MBOAT1: variants seen among roughly 807,000 people sequenced by gnomAD.
MBOAT1 encodes membrane-bound glycerophospholipid O-acyltransferase 1.
MBOAT1 carries 67 observed loss-of-function variants against 64.4 expected under a neutral mutation model. The observed-to-expected ratio is 1.04, with a 90% CI of 0.85 to 1.27. The LOEUF (loss-of-function observed/expected upper bound fraction) is 1.27, where lower values mean the gene tolerates loss of function less well. Among genes scored for constraint, MBOAT1 ranks in the 50% most tolerant of loss-of-function variants. The pLI, the probability that MBOAT1 is intolerant of heterozygous loss-of-function variation, is 0.00. For missense variants in MBOAT1, 563 were observed against 604.6 expected (o/e 0.93, Z 0.72); for synonymous variants, 229 against 218.9 (o/e 1.05, Z -0.41).
At chr6:20,121,084 C>A (rs1390932091) in intron 8 of MBOAT1, among the ~76,000 whole-genome samples, 2 of 152,284 alleles carry the variant, frequency 1.3e-5, no homozygotes, top group East Asian at 1.9e-4. Context: ...CAGCCAGGAC[C>A]ATACACTAAG....
intron 2 of MBOAT1, among the ~76,000 whole-genome samples, chr6:20,151,934 T>C (rs1181697957): frequency 6.6e-6 from 1 of 152,154 alleles, no homozygotes; most frequent in Non-Finnish European, 1.5e-5. Context: ...TACACCAACA[T>C]CTACGATAGT....
chr6:20,128,429 C>T (rs908046235), intron 6 of MBOAT1, among the ~76,000 whole-genome samples: 3 of 152,136 alleles, frequency 2.0e-5, no homozygotes, highest in African/African-American at 7.2e-5. Flanking sequence ...TCTATTTACT[C>T]TTTGACCTAA....
At chr6:20,162,196 C>CAA (rs1344100761) in intron 1 of MBOAT1, among the ~76,000 whole-genome samples, 1 of 152,150 alleles carries the variant, frequency 6.6e-6, no homozygotes, top group Non-Finnish European at 1.5e-5. Flanking sequence ...TTTAGGACTT[C>CAA]AACATTTAAA....
chr6:20,118,724 G>A (rs945871394), intron 8 of MBOAT1, among the ~76,000 whole-genome samples, 184 bp from the exon 9 acceptor site: 4 of 152,190 alleles, frequency 2.6e-5, no homozygotes, highest in Admixed American at 6.5e-5. Context: ...CGGCTGTTTG[G>A]TAACCTTGAT....
At chr6:20,208,035 G>A (rs1409715174) in intron 1 of MBOAT1, among the ~76,000 whole-genome samples, 2 of 152,174 alleles carry the variant, frequency 1.3e-5, no homozygotes, top group Non-Finnish European at 2.9e-5. Context: ...ACAATGACTG[G>A]AATGTGAGCT....
At chr6:20,155,224 C>G (rs188148431) in intron 1 of MBOAT1, among the ~76,000 whole-genome samples, 1 of 152,302 alleles carries the variant, frequency 6.6e-6, no homozygotes, top group East Asian at 1.9e-4. Flanking sequence ...TTGGGGCCCA[C>G]GCTAGACCTA....
chr6:20,137,175 C>T (rs534408946), intron 4 of MBOAT1, among the ~76,000 whole-genome samples: 2 of 152,134 alleles, frequency 1.3e-5, no homozygotes, highest in East Asian at 1.9e-4. Context: ...GGTGAAACTG[C>T]CTTCCAGAAG....
intron 8 of MBOAT1, among the ~76,000 whole-genome samples, chr6:20,123,799 G>A (rs955814884): frequency 6.6e-6 from 1 of 152,136 alleles, no homozygotes; most frequent in South Asian, 2.1e-4. Flanking sequence ...GCTCACACCT[G>A]TAATCCCAGC....
intron 9 of MBOAT1, 66 bp from the exon 10 acceptor site, chr6:20,115,418 C>T (rs768594428): frequency 2.3e-5 from 31 of 1,325,700 alleles, no homozygotes; most frequent in Non-Finnish European, 3.4e-5. Flanking sequence ...AAAGTTCTCC[C>T]CAGTTTCCCT....
chr6:20,151,218 A>C lies in MBOAT1; in HGVS notation c.290T>G (p.Ile97Ser). 6.2e-7 allele frequency: 1 copy of C among 1,613,568 alleles called. No homozygotes were observed. The highest frequency in any genetic ancestry group is 1.3e-5 in the African/African-American group (1 of 75,050). ...LFVLVLMCYA[I>S]MVTASVSNIH... ...ATTGGATACACTAGCAGTGACCATG[A>C]TTGCATAGCACATTAACACCAGCAC... Residue 97 changes from isoleucine to serine, a missense_variant, in exon 3 of 13, where the codon ATC (isoleucine) becomes AGC (serine). By Grantham distance (142) the Ile-to-Ser change is moderately radical. Coordinates refer to ENST00000324607, the MANE Select transcript of MBOAT1 (RefSeq NM_001080480.3).
chr6:20,129,718 C>T (rs1477188496), intron 5 of MBOAT1, among the ~76,000 whole-genome samples: 1 of 152,216 alleles, frequency 6.6e-6, no homozygotes, highest in African/African-American at 2.4e-5. Context: ...TATAAGATCT[C>T]ATCAAATAGT....
At chr6:20,166,142 T>C (rs190568863) in intron 1 of MBOAT1, among the ~76,000 whole-genome samples, 1 of 152,286 alleles carries the variant, frequency 6.6e-6, no homozygotes, top group East Asian at 1.9e-4. Flanking sequence ...ATGCATTGAT[T>C]TCTCCTTTAC....
intron 1 of MBOAT1, among the ~76,000 whole-genome samples, chr6:20,160,610 C>T (rs953621554): frequency 6.6e-6 from 1 of 152,204 alleles, no homozygotes; most frequent in African/African-American, 2.4e-5. Context: ...GGCAACACTG[C>T]CTTACACGCT....
At chr6:20,155,224 C>T (rs188148431) in intron 1 of MBOAT1, among the ~76,000 whole-genome samples, 6 of 152,184 alleles carry the variant, frequency 3.9e-5, no homozygotes, top group African/African-American at 9.7e-5. Flanking sequence ...TTGGGGCCCA[C>T]GCTAGACCTA....
chr6:20,177,901 C>A (rs771612373), intron 1 of MBOAT1, among the ~76,000 whole-genome samples: 1 of 152,126 alleles, frequency 6.6e-6, no homozygotes, highest in Non-Finnish European at 1.5e-5. Flanking sequence ...CTAACTGCCA[C>A]CACCCCTGCC....
intron 4 of MBOAT1, among the ~76,000 whole-genome samples, chr6:20,131,426 C>T (rs1428328115): frequency 6.6e-6 from 1 of 152,200 alleles, no homozygotes; most frequent in Non-Finnish European, 1.5e-5. Context: ...GGGGCTTCCC[C>T]CTCTCCCTTC....
intron 12 of MBOAT1, among the ~76,000 whole-genome samples, chr6:20,103,533 A>G (rs2472755): frequency 0.74 from 112,577 of 151,832 alleles, 42,117 homozygotes; most frequent in African/African-American, 0.81. Flanking sequence ...CTGGGTTCAA[A>G]CGATTCTCCT....
At chr6:20,122,713 T>C (rs1191251012) in intron 8 of MBOAT1, among the ~76,000 whole-genome samples, 1 of 152,124 alleles carries the variant, frequency 6.6e-6, no homozygotes, top group African/African-American at 2.4e-5. Context: ...ATGAAAAAGA[T>C]CTAGAGATAG....
intron 1 of MBOAT1, among the ~76,000 whole-genome samples, chr6:20,203,331 T>C (rs574964378): frequency 1.3e-5 from 2 of 151,968 alleles, no homozygotes; most frequent in African/African-American, 4.8e-5. Context: ...CATTTATAAC[T>C]GGAGGTGATG....
Sources: gnomAD v4.1 joint callset for allele counts (sites outside exome capture counted in the v4.1 genomes callset) on GRCh38, gnomAD v4.1.1 for gene constraint, MANE v1.5 for transcripts, NCBI Gene and HGNC (gene_info 2026-07-23, HGNC 2026-07-21) for gene names.